Variants in PLCB1 observed in about 807,000 individuals in gnomAD.
PLCB1 encodes phospholipase C beta 1, also known as 1-phosphatidylinositol 4,5-bisphosphate phosphodiesterase beta-1.
PLCB1 carries 46 observed loss-of-function variants against 161.8 expected under a neutral mutation model. The observed-to-expected ratio is 0.28, with a 90% CI of 0.22 to 0.36. The LOEUF (loss-of-function observed/expected upper bound fraction) is 0.36. Ranked by LOEUF, PLCB1 falls within the 10% of genes least tolerant of loss-of-function variation. The pLI, the probability that PLCB1 is intolerant of heterozygous loss-of-function variation, is 1.00. For missense variants in PLCB1, 1,016 were observed against 1,472.5 expected, an observed-to-expected ratio of 0.69 and a Z score of 5.07; for synonymous variants, 517 against 503.7, an observed-to-expected ratio of 1.03 and a Z score of -0.35.
chr20:8,628,139 A>G (rs1988414899), intron 3 of PLCB1, 155 bp from the exon 4 acceptor site: 1 of 630,754 alleles, frequency 1.6e-6, no homozygotes, highest in Non-Finnish European at 2.8e-6. Context: ...TCTCTAGGCC[A>G]TTTGTGGAAT....
intron 3 of PLCB1, among the ~76,000 whole-genome samples, chr20:8,514,237 C>T (rs1011127054): frequency 6.6e-6 from 1 of 151,520 alleles, no homozygotes; most frequent in Admixed American, 6.6e-5. Context: ...CTCAGGAGTT[C>T]GAGACCAACC....
At chr20:8,311,492 T>C (rs992242683) in intron 2 of PLCB1, among the ~76,000 whole-genome samples, 3 of 152,244 alleles carry the variant, frequency 2.0e-5, no homozygotes, top group Non-Finnish European at 4.4e-5. Flanking sequence ...TCATTTGTAC[T>C]TCACTTTGAT....
At chr20:8,196,074 C>G (rs927347986) in intron 2 of PLCB1, among the ~76,000 whole-genome samples, 1 of 151,972 alleles carries the variant, frequency 6.6e-6, no homozygotes, top group Non-Finnish European at 1.5e-5. Context: ...TGAGAACTCA[C>G]TATCAAAAGA....
chr20:8,559,076 C>A (rs907796737), intron 3 of PLCB1, among the ~76,000 whole-genome samples: 6 of 151,578 alleles, frequency 4.0e-5, no homozygotes, highest in Non-Finnish European at 7.4e-5. Context: ...GGCTTGTAAC[C>A]CCTCTTTTTT....
In PLCB1 at chr20:8,255,730, A is replaced by T. The variant is rs147236063; in HGVS notation, c.177+105359A>T. Among the ~76,000 whole-genome samples the T allele has an allele frequency of 2.2e-4, 33 of 152,140 alleles. No homozygotes were observed. The East Asian group carries it at 6.4e-3, about 29-fold the overall frequency. On this transcript the variant is annotated intron_variant, in intron 2 of 31. Transcript: ENST00000338037. ...ATAATTATACTTTATGTTAAATGAC[A>T]GTTTAATTTCTTCTATGGGGTGTAA...
chr20:8,441,049 G>A (rs1190438861), intron 3 of PLCB1, among the ~76,000 whole-genome samples: 3 of 152,096 alleles, frequency 2.0e-5, no homozygotes, highest in Admixed American at 1.3e-4. Context: ...GTCATTCAAC[G>A]GAGTGATCTT....
intron 2 of PLCB1, among the ~76,000 whole-genome samples, chr20:8,168,576 A>G (rs1425863259): frequency 2.0e-5 from 3 of 152,180 alleles, no homozygotes; most frequent in Non-Finnish European, 4.4e-5. Flanking sequence ...GCAGCCTCCT[A>G]GCAACATCTC....
intron 2 of PLCB1, among the ~76,000 whole-genome samples, chr20:8,184,769 TTTA>T (rs57793768): frequency 0.013 from 1,825 of 141,900 alleles, 14 homozygotes; most frequent in South Asian, 0.04. Context: ...TGGCAATACC[TTTA>T]TTATTATTAT....
chr20:8,491,275 AG>A (rs1442831952), intron 3 of PLCB1, among the ~76,000 whole-genome samples: 2 of 152,000 alleles, frequency 1.3e-5, no homozygotes, highest in African/African-American at 4.8e-5. Context: ...AATTTCTTTC[AG>A]TATTGCTTTT....
intron 3 of PLCB1, among the ~76,000 whole-genome samples, chr20:8,423,840 G>A (rs1406243208): frequency 6.6e-6 from 1 of 152,116 alleles, no homozygotes; most frequent in Non-Finnish European, 1.5e-5. Context: ...ATGAGGCAGG[G>A]TCCTAATCAC....
intron 2 of PLCB1, among the ~76,000 whole-genome samples, chr20:8,350,712 T>G (rs2122257405): frequency 6.6e-6 from 1 of 152,280 alleles, no homozygotes. Flanking sequence ...CCACCAACAG[T>G]ATAAAAATGT....
intron 3 of PLCB1, among the ~76,000 whole-genome samples, chr20:8,436,327 CAA>C (rs11468737): frequency 0.43 from 49,246 of 114,906 alleles, 7,922 homozygotes; most frequent in South Asian, 0.51. Context: ...GAGACCCTGT[CAA>C]AAAAAAAAAA....
intron 3 of PLCB1, among the ~76,000 whole-genome samples, chr20:8,512,921 C>A (rs1037820638): frequency 6.6e-6 from 1 of 151,932 alleles, no homozygotes. Flanking sequence ...AACTTTGTAC[C>A]CTTTGACCAT....
chr20:8,369,693 C>G (rs891431699), intron 2 of PLCB1, among the ~76,000 whole-genome samples: 9 of 152,118 alleles, frequency 5.9e-5, no homozygotes, highest in African/African-American at 2.2e-4. Context: ...GGGAGAATTT[C>G]CACAGGGTCA....
At chr20:8,818,790 A>G (rs1283110033) in intron 31 of PLCB1, among the ~76,000 whole-genome samples, 6 of 152,032 alleles carry the variant, frequency 3.9e-5, no homozygotes, top group Admixed American at 3.9e-4. Context: ...AAAATACAAA[A>G]ATTAGCTGGG....
intron 31 of PLCB1, among the ~76,000 whole-genome samples, chr20:8,838,412 A>G (rs1490165430): frequency 6.6e-6 from 1 of 152,210 alleles, no homozygotes; most frequent in African/African-American, 2.4e-5. Context: ...GAGTAGGGCT[A>G]ATGGAGGTCA....
rs1255440392 is a variant in PLCB1, at chr20:8,303,133, G to A, written c.178-68249G>A. 8.5e-5 allele frequency among the ~76,000 whole-genome samples: 13 copies of A among 152,234 alleles called. No individual in the cohort carries two copies. The South Asian group carries it at 1.0e-3, about 12-fold the overall frequency. On this transcript the variant is annotated intron_variant, in intron 2 of 31. Coordinates refer to ENST00000338037, the MANE Select transcript of PLCB1 (RefSeq NM_015192.4). Reference sequence around the variant, plus strand: ...TATTATATATCCTCTGTATGTCCCCGAAATAGAAGGTCTGCTCCCATGAGC... The same window carrying A: ...TATTATATATCCTCTGTATGTCCCCAAAATAGAAGGTCTGCTCCCATGAGC...
At chr20:8,446,821 T>C (rs1442300607) in intron 3 of PLCB1, among the ~76,000 whole-genome samples, 1 of 152,106 alleles carries the variant, frequency 6.6e-6, no homozygotes, top group Non-Finnish European at 1.5e-5. Context: ...TTCTGATGAC[T>C]TACTTTTTTT....
At chr20:8,462,419 A>G (rs531024420) in intron 3 of PLCB1, among the ~76,000 whole-genome samples, 23 of 152,346 alleles carry the variant, frequency 1.5e-4, no homozygotes, top group South Asian at 6.2e-4. Context: ...AGAACGATTA[A>G]GACAAATCAA....
Sources: gnomAD v4.1 joint callset for allele counts (sites outside exome capture counted in the v4.1 genomes callset) on GRCh38, gnomAD v4.1.1 for gene constraint, MANE v1.5 for transcripts, NCBI Gene and HGNC (gene_info 2026-07-23, HGNC 2026-07-21) for gene names.